Variants in HCFC2 observed in about 807,000 individuals in gnomAD.
HCFC2 encodes the protein host cell factor 2.
Under a neutral mutation model 89.2 loss-of-function variants are expected in HCFC2, and 18 were observed. The ratio of observed to expected loss-of-function variants is 0.20; its 90% CI spans 0.14 to 0.30. The LOEUF is 0.30. HCFC2 is among the 10% of genes least tolerant of loss of function. HCFC2 has a pLI of 1.00. For missense variants in HCFC2, 578 were observed against 956.1 expected, an observed-to-expected ratio of 0.60 and a Z score of 5.21; for synonymous variants, 308 against 335.7, an observed-to-expected ratio of 0.92 and a Z score of 0.90.
At chr12:104,087,468 T>TATATATATATATATGTATATATATAC (rs1566232421) in intron 8 of HCFC2, among the ~76,000 whole-genome samples, 7 of 268 alleles carry the variant, frequency 0.026, no homozygotes, top group Non-Finnish European at 0.11. Flanking sequence ...TATATATACA[T>TATATATATATATATGTATATATATAC]ATATATATAT....
intron 3 of HCFC2, among the ~76,000 whole-genome samples, chr12:104,073,182 TGAG>T (rs1883385870): frequency 6.7e-6 from 1 of 148,840 alleles, no homozygotes. Flanking sequence ...TTTTTTTTTT[TGAG>T]ACGGAGTCTA....
chr12:104,103,300 G>T lies in HCFC2; in HGVS notation c.*27G>T. 6.5e-7 allele frequency: 1 copy of T among 1,545,012 alleles called. No homozygotes were observed. The highest frequency in any genetic ancestry group is 8.9e-7 in the Non-Finnish European group (1 of 1,127,788). ...TTGGTTTTTTTACTGAAGCTATTGT[G>T]ATGATGATTATTTATTAGTAACTGG... On this transcript the variant is annotated 3_prime_UTR_variant, in exon 15 of 15. Coordinates refer to ENST00000229330, the MANE Select transcript of HCFC2 (RefSeq NM_013320.3).
At chr12:104,090,292 G>A (rs1883986933) in intron 9 of HCFC2, among the ~76,000 whole-genome samples, 1 of 152,056 alleles carries the variant, frequency 6.6e-6, no homozygotes, top group Non-Finnish European at 1.5e-5. Flanking sequence ...TTCGGTGTTG[G>A]TATTGAAAAG....
intron 3 of HCFC2, among the ~76,000 whole-genome samples, chr12:104,078,742 C>G (rs530641382): frequency 1.3e-5 from 2 of 152,016 alleles, no homozygotes; most frequent in Non-Finnish European, 2.9e-5. Flanking sequence ...GAATAATAAC[C>G]ATTTGATTAT....
Position 104,082,849 on chromosome 12 carries a change from A to T in HCFC2, c.1011A>T (p.Lys337Asn). Residue 337 changes from lysine to asparagine, a missense_variant, in exon 7 of 15, where the codon AAA (lysine) becomes AAT (asparagine). By Grantham distance (94) the Lys-to-Asn change is moderately conservative. Transcript: ENST00000229330. ...LYFWSGRDGYKKALNSQVCCK... is the reference protein window; with the variant it reads ...LYFWSGRDGYNKALNSQVCCK... ...TTTGGAGTGGAAGAGATGGCTACAA[A>T]AAAGCACTGAATAGTCAAGTTTGCT... 1 of 1,613,678 alleles carries T rather than the reference A, an allele frequency of 6.2e-7. No individual in the cohort carries two copies. Among genetic ancestry groups the T allele is most frequent in the Middle Eastern group, 1.7e-4 (1 of 6,056 alleles).
Position 104,105,440 on chromosome 12 carries a change from C to G in HCFC2, c.*2167C>G, listed in dbSNP as rs930862997. 3 of 152,180 alleles carry G rather than the reference C, an allele frequency of 2.0e-5. No individual in the cohort carries two copies. 9.4% of individuals were successfully genotyped at this position (152,180 alleles called of 1,614,324 possible). ...AGTATTTGATTCAGTTAAGCCTCCA[C>G]TCTTCTGGATCAGGAGGTGATTCTG... is the stretch of plus-strand genomic sequence containing the variant. On this transcript the variant is annotated 3_prime_UTR_variant, in exon 15 of 15. Transcript: ENST00000229330.
At chr12:104,080,701 A>G in intron 4 of HCFC2, 45 bp from the exon 5 acceptor site, 1 of 1,153,908 alleles carries the variant, frequency 8.7e-7, no homozygotes, top group Non-Finnish European at 1.3e-6. Flanking sequence ...GAGGTAATTT[A>G]CTCTTGTTAG....
intron 3 of HCFC2, among the ~76,000 whole-genome samples, chr12:104,069,032 G>A (rs573170685): frequency 1.2e-4 from 19 of 152,038 alleles, no homozygotes; most frequent in Non-Finnish European, 2.4e-4. Context: ...ACCACCAGGC[G>A]TTGTGGCTCA....
intron 12 of HCFC2, chr12:104,097,707 A>T: frequency 1.1e-6 from 1 of 878,968 alleles, no homozygotes; most frequent in Non-Finnish European, 1.4e-6. Context: ...TTCCAGGGAT[A>T]AGTATAATTC....
intron 7 of HCFC2, among the ~76,000 whole-genome samples, chr12:104,084,459 G>T (rs1446918384): frequency 6.6e-6 from 1 of 152,172 alleles, no homozygotes; most frequent in Non-Finnish European, 1.5e-5. Context: ...CACATACAAG[G>T]AGTCTGAGAT....
intron 13 of HCFC2, 46 bp from the exon 14 acceptor site, chr12:104,101,922 T>C (rs1438992928): frequency 1.6e-6 from 2 of 1,213,730 alleles, no homozygotes; most frequent in African/African-American, 3.1e-5. Flanking sequence ...AATTTTAATA[T>C]ATTAGTTGTA....
chr12:104,080,065 G>T (rs1009353873), intron 4 of HCFC2, among the ~76,000 whole-genome samples: 2 of 152,150 alleles, frequency 1.3e-5, no homozygotes, highest in South Asian at 4.1e-4. Flanking sequence ...AAACCCTTAG[G>T]TAGTTCTCTC....
Position 104,082,867 on chromosome 12 carries a change from A to G in HCFC2, c.1029A>G (p.Gln343=). 1 of 1,607,642 alleles carries G rather than the reference A, an allele frequency of 6.2e-7. No homozygotes were observed. Among genetic ancestry groups the G allele is most frequent in the Non-Finnish European group, 8.5e-7 (1 of 1,178,292 alleles). Residue 343 remains glutamine (Q), a synonymous_variant, in exon 7 of 15, where the codon CAA becomes CAG. Coordinates refer to ENST00000229330, the MANE Select transcript of HCFC2 (RefSeq NM_013320.3). ...RDGYKKALNS[Q]VCCKDLWYLD... is the part of the protein sequence containing the mutation. ...GCTACAAAAAAGCACTGAATAGTCA[A>G]GTTTGCTGCAAGGATCTTTGGTATC...
At position 104,103,147 on chromosome 12, in the gene HCFC2, A is replaced by T; in HGVS notation, c.2253A>T (p.Ala751=). The change falls in exon 15 of 15, where the codon GCA becomes GCT. Residue 751 remains alanine (A), a synonymous_variant. Coordinates refer to ENST00000229330, the MANE Select transcript of HCFC2 (RefSeq NM_013320.3). The part of the protein sequence containing the change: ...CIVTAGQLAN[A]HIDYTSRPAI... ...TAACTGCTGGGCAACTTGCAAATGC[A>T]CATATTGATTATACATCCAGGCCTG... The T allele has an allele frequency of 6.2e-7, 1 of 1,614,166 alleles. No individual in the cohort carries two copies. The highest frequency in any genetic ancestry group is 1.3e-5 in the African/African-American group (1 of 75,068).
intron 3 of HCFC2, among the ~76,000 whole-genome samples, chr12:104,071,548 A>G (rs1007548324): frequency 1.3e-5 from 2 of 152,248 alleles, no homozygotes; most frequent in Non-Finnish European, 2.9e-5. Flanking sequence ...TTGGGAACAC[A>G]TTAATACGAT....
intron 12 of HCFC2, chr12:104,097,751 G>A: frequency 2.1e-5 from 10 of 465,438 alleles, no homozygotes; most frequent in Non-Finnish European, 2.8e-5. Flanking sequence ...GGTAGAGGAA[G>A]TTTATTTGTT....
At chr12:104,070,649 A>G (rs967933603) in intron 3 of HCFC2, among the ~76,000 whole-genome samples, 16 of 152,142 alleles carry the variant, frequency 1.1e-4, no homozygotes, top group Non-Finnish European at 2.2e-4. Context: ...AACCATTATG[A>G]TGTCTTTTTA....
chr12:104,077,400 G>A (rs1187559484), intron 3 of HCFC2, among the ~76,000 whole-genome samples: 1 of 151,260 alleles, frequency 6.6e-6, no homozygotes, highest in Non-Finnish European at 1.5e-5. Flanking sequence ...CCACCACCAC[G>A]CCCAGCTAAT....
In HCFC2 at chr12:104,066,137, A is replaced by G. The variant is rs775953820; in HGVS notation, c.164-30A>G. 6 of 1,604,104 alleles carry G rather than the reference A, an allele frequency of 3.7e-6. No homozygotes were observed. In the African/African-American group the frequency reaches 8.0e-5, roughly 22 times the overall value. ...GTATATGATAACCGTTGTTTGTTAT[A>G]ATCGGTTTTCATTTTATTTTGGCAA... On this transcript the variant is annotated intron_variant, in intron 1 of 14. Coordinates refer to ENST00000229330, the MANE Select transcript of HCFC2 (RefSeq NM_013320.3).
Sources: gnomAD v4.1 joint callset for allele counts (sites outside exome capture counted in the v4.1 genomes callset) on GRCh38, gnomAD v4.1.1 for gene constraint, MANE v1.5 for transcripts, NCBI Gene and HGNC (gene_info 2026-07-23, HGNC 2026-07-21) for gene names.